Variants in LPO observed in about 807,000 individuals in gnomAD.
LPO encodes salivary peroxidase.
A neutral mutation model predicts 68.4 loss-of-function variants in LPO; 70 were observed. The ratio of observed to expected loss-of-function variants is 1.02; its 90% CI spans 0.84 to 1.25. The LOEUF is 1.25. LPO is among the 50% of genes most tolerant of loss of function. The pLI is 0.00. For missense variants in LPO, 873 were observed against 908.4 expected (o/e 0.96, Z 0.50); for synonymous variants, 360 against 357.6 (o/e 1.01, Z -0.08).
rs116995761 is a variant in LPO at position 58,260,809 on chromosome 17, T to A, written c.1267-3913T>A. On this transcript the variant is annotated intron_variant, in intron 9 of 12. Transcript: ENST00000262290. ...CCCTCTTAGCACTGAGTTGACTGCC[T>A]CCCACAAATTTTGATATATTGTGTT... Among the ~76,000 whole-genome samples the A allele has an allele frequency of 7.9e-5, 12 of 152,330 alleles. No homozygotes were observed. The East Asian group carries it at 2.3e-3, about 29-fold the overall frequency.
chr17:58,239,642 C>A (rs898234020), intron 1 of LPO, among the ~76,000 whole-genome samples: 5 of 152,084 alleles, frequency 3.3e-5, no homozygotes, highest in African/African-American at 4.8e-5. Context: ...TTCATCCCTT[C>A]TCAGGCCTTC....
chr17:58,260,698 T>G (rs1243548044), intron 9 of LPO, among the ~76,000 whole-genome samples: 1 of 152,194 alleles, frequency 6.6e-6, no homozygotes, highest in African/African-American at 2.4e-5. Context: ...TATTTTGCTC[T>G]TATTTTTCAA....
At chr17:58,246,529 A>G (rs1432560669) in intron 3 of LPO, among the ~76,000 whole-genome samples, 2 of 152,162 alleles carry the variant, frequency 1.3e-5, no homozygotes, top group African/African-American at 4.8e-5. Flanking sequence ...GCAGGAGGTG[A>G]GTCCCTGGTG....
In LPO at chr17:58,266,250, C is replaced by G; in HGVS notation, c.1617C>G (p.Phe539Leu). 1 of 1,614,164 alleles carries G rather than the reference C, an allele frequency of 6.2e-7. No homozygotes were observed. The highest frequency in any genetic ancestry group is 8.5e-7 in the Non-Finnish European group (1 of 1,180,042). The change falls in exon 11 of 13, where the codon TTC becomes TTG. Residue 539 changes from phenylalanine to leucine, a missense_variant. Transcript: ENST00000262290. ...CTGGAGAGCTGCGCAACAAGCTTTTCCAGCCAACTCACAGGATCCATGGCT... is the reference window on the plus strand; with the variant it reads ...CTGGAGAGCTGCGCAACAAGCTTTTGCAGCCAACTCACAGGATCCATGGCT... Reference protein sequence around the residue: ...MMTGELRNKLFQPTHRIHGFD... With the variant: ...MMTGELRNKLLQPTHRIHGFD...
chr17:58,258,955 C>A, intron 9 of LPO, among the ~76,000 whole-genome samples: 1 of 151,860 alleles, frequency 6.6e-6, no homozygotes. Context: ...GAGTTCTTTA[C>A]GTATTCTAGA....
chr17:58,243,532 G>A (rs1458997327), intron 2 of LPO: 1 of 224,708 alleles, frequency 4.5e-6, no homozygotes, highest in Non-Finnish European at 8.8e-6. Context: ...AACAGATCCT[G>A]TCCTCCATGC....
At chr17:58,264,092 C>A (rs1970217713) in intron 9 of LPO, among the ~76,000 whole-genome samples, 1 of 152,080 alleles carries the variant, frequency 6.6e-6, no homozygotes, top group African/African-American at 2.4e-5. Flanking sequence ...AGCAAAAAAG[C>A]AGAATGCACA....
chr17:58,251,011 G>T (rs1176582772), intron 7 of LPO: 1 of 234,510 alleles, frequency 4.3e-6, no homozygotes, highest in Non-Finnish European at 8.6e-6. Flanking sequence ...GGGCGAGGCG[G>T]CTCATGCCTA....
chr17:58,242,020 A>T (rs1969768982), intron 1 of LPO, among the ~76,000 whole-genome samples: 1 of 152,188 alleles, frequency 6.6e-6, no homozygotes, highest in Non-Finnish European at 1.5e-5. Flanking sequence ...GGATTCCACC[A>T]GTGAACGCCG....
intron 3 of LPO, among the ~76,000 whole-genome samples, chr17:58,246,181 G>C (rs1168444041): frequency 6.6e-6 from 1 of 152,204 alleles, no homozygotes; most frequent in African/African-American, 2.4e-5. Flanking sequence ...CAACAGCATA[G>C]GGTCTGAGGC....
At position 58,249,577 on chromosome 17, in the gene LPO, C is replaced by A. The variant is rs1969917853; in HGVS notation, c.455C>A (p.Ala152Glu). The A allele has an allele frequency of 5.6e-6, 9 of 1,603,728 alleles. No homozygotes were observed. Among genetic ancestry groups the A allele is most frequent in the Non-Finnish European group, 7.6e-6 (9 of 1,179,154 alleles). ...TGDCNNRRKP[A>E]LGAANRALAR... is the part of the protein sequence containing the mutation. ...CGTGCTGGTTTCAGGAGGAAGCCTG[C>A]GCTGGGCGCCGCCAACAGGGCTCTG... Residue 152 changes from alanine to glutamate, a missense_variant, in exon 6 of 13, where the codon GCG becomes GAG. Physicochemically the swap from Ala to Glu is moderately radical, Grantham distance 107. Coordinates refer to ENST00000262290, the MANE Select transcript of LPO (RefSeq NM_006151.3).
At chr17:58,243,382 G>A (rs1000844728) in intron 2 of LPO, 1 of 301,764 alleles carries the variant, frequency 3.3e-6, no homozygotes, top group African/African-American at 2.2e-5. Context: ...TAGGGCCGAT[G>A]CTAAGGCAGT....
At position 58,244,088 on chromosome 17, in the gene LPO, GAGACACACACACAC is replaced by G. The variant is rs1567816273; in HGVS notation, c.164+9_164+22del. The stretch of plus-strand genomic sequence containing the variant: ...TCCTGGACTCCCGAACCAGGTACGT[GAGACACACACACAC>G]ACACACACACACACACACACACACA... On this transcript the variant is annotated splice_region_variant and intron_variant, in intron 3 of 12. Coordinates refer to ENST00000262290, the MANE Select transcript of LPO (RefSeq NM_006151.3). 1.2e-5 allele frequency: 17 copies of G among 1,454,468 alleles called. No individual in the cohort carries two copies. Among genetic ancestry groups the G allele is most frequent in the Middle Eastern group, 1.8e-4 (1 of 5,512 alleles). 90.1% of individuals were successfully genotyped at this position (1,454,468 alleles called of 1,614,324 possible).
rs963048665 is a variant in LPO, at chr17:58,267,809, G to A, written c.1954G>A (p.Val652Ile). The A allele has an allele frequency of 1.7e-5, 28 of 1,614,036 alleles. No homozygotes were observed. The highest frequency in any genetic ancestry group is 2.4e-5 in the Non-Finnish European group (28 of 1,180,038). Residue 652 changes from valine (V) to isoleucine (I), a missense_variant, in exon 13 of 13, where the codon GTC becomes ATC. Transcript: ENST00000262290. ...CAGGTTCTGGTGGGAAAACCCTGGG[G>A]TCTTCACGAACGAGCAGAAGGACTC... is the stretch of plus-strand genomic sequence containing the variant. ...GDRFWWENPG[V>I]FTNEQKDSLQ...
intron 2 of LPO, chr17:58,243,311 T>C (rs1428609500): frequency 2.2e-6 from 1 of 452,780 alleles, no homozygotes. Context: ...CCTCAGTCTT[T>C]GCGTGGCCTT....
Position 58,245,626 on chromosome 17 carries a change from G to A in LPO, c.164+1545G>A, listed in dbSNP as rs575265074. ...TCCGCCCCTCTCTCCGTGCTCTCAG[G>A]ACACTGCTCTTCAGGCAGGTGTCAA... On this transcript the variant is annotated intron_variant, in intron 3 of 12. Coordinates refer to ENST00000262290, the MANE Select transcript of LPO (RefSeq NM_006151.3). 1.9e-4 allele frequency among the ~76,000 whole-genome samples: 29 copies of A among 152,244 alleles called. No individual in the cohort carries two copies. The South Asian group carries it at 6.0e-3, about 32-fold the overall frequency.
chr17:58,249,669 AC>A lies in LPO; in HGVS notation c.548del (p.Thr183SerfsTer21). The A allele has an allele frequency of 6.3e-7, 1 of 1,581,896 alleles. No homozygotes were observed. Among genetic ancestry groups the A allele is most frequent in the Non-Finnish European group, 8.5e-7 (1 of 1,170,638 alleles). ...GCCCTTCGGCTGGACGCCGGGGAAG[AC>A]GCGCAACGGCTTCCCTCTCCCGCTG... ...SLPFGWTPGK[T>X]RNGFPLPLAR... On this transcript the variant is annotated frameshift_variant, in exon 6 of 13. Coordinates refer to ENST00000262290, the MANE Select transcript of LPO (RefSeq NM_006151.3). LOFTEE classifies it high-confidence loss of function.
At chr17:58,261,406 T>TAA (rs1970172939) in intron 9 of LPO, among the ~76,000 whole-genome samples, 1 of 152,330 alleles carries the variant, frequency 6.6e-6, no homozygotes, top group Non-Finnish European at 1.5e-5. Context: ...GAAGTCAACT[T>TAA]TATCTGATAT....
At position 58,249,413 on chromosome 17, in the gene LPO, G is replaced by A. The variant is rs1398108986; in HGVS notation, c.444-153G>A. 3.3e-6 allele frequency: 4 copies of A among 1,223,542 alleles called. No homozygotes were observed. In the African/African-American group the frequency reaches 4.6e-5, roughly 14 times the overall value. 75.8% of individuals were successfully genotyped at this position (1,223,542 alleles called of 1,614,324 possible). A position where few individuals can be genotyped will look rare whatever the true frequency, so the allele number is the denominator to read the frequency against. ...GGGCGGGGGAGCCCCGCGCCTTCAGGGGGTGGGCGCAGTTCAGAGACCCCA... is the reference window on the plus strand; with the variant it reads ...GGGCGGGGGAGCCCCGCGCCTTCAGAGGGTGGGCGCAGTTCAGAGACCCCA... On this transcript the variant is annotated intron_variant, in intron 5 of 12. Coordinates refer to ENST00000262290, the MANE Select transcript of LPO (RefSeq NM_006151.3).
Sources: gnomAD v4.1 joint callset for allele counts (sites outside exome capture counted in the v4.1 genomes callset) on GRCh38, gnomAD v4.1.1 for gene constraint, MANE v1.5 for transcripts, NCBI Gene and HGNC (gene_info 2026-07-23, HGNC 2026-07-21) for gene names.